The following ADAM7 variants were observed in gnomAD, a reference collection of about 807,000 sequenced individuals.
ADAM7 encodes ADAM metallopeptidase domain 7.
ADAM7 carries 97 observed loss-of-function variants against 102.9 expected under a neutral mutation model. That is an observed-to-expected ratio of 0.94 (90% confidence interval 0.80 to 1.12). The LOEUF (loss-of-function observed/expected upper bound fraction) is 1.12, where lower values mean the gene tolerates loss of function less well. Ranked by LOEUF, ADAM7 falls within the 50% of genes most tolerant of loss-of-function variation. The pLI, the probability that ADAM7 is intolerant of heterozygous loss-of-function variation, is 0.00. For synonymous variants in ADAM7, 334 were observed against 304.4 expected (o/e 1.10, Z -1.01); for missense variants, 991 against 908.7 (o/e 1.09, Z -1.16).
chr8:24,452,512 C>T (rs1340838540), intron 3 of ADAM7, among the ~76,000 whole-genome samples: 1 of 151,924 alleles, frequency 6.6e-6, no homozygotes, highest in Non-Finnish European at 1.5e-5. Context: ...GGTAGATCTT[C>T]CTCTATCCTT....
chr8:24,481,415 T>C (rs1242748399), intron 8 of ADAM7, among the ~76,000 whole-genome samples: 1 of 152,190 alleles, frequency 6.6e-6, no homozygotes, highest in African/African-American at 2.4e-5. Flanking sequence ...TGATAGTTTA[T>C]CATTCACTTC....
intron 7 of ADAM7, among the ~76,000 whole-genome samples, chr8:24,471,725 T>G (rs1302688609): frequency 1.3e-5 from 2 of 152,042 alleles, no homozygotes; most frequent in East Asian, 3.9e-4. Flanking sequence ...ATATTCCCAT[T>G]GTCAAGCAAT....
Position 24,501,494 on chromosome 8 carries a change from T to C in ADAM7, c.2126T>C (p.Leu709Pro). 6.2e-7 allele frequency: 1 copy of C among 1,608,074 alleles called. No homozygotes were observed. Among genetic ancestry groups the C allele is most frequent in the Non-Finnish European group, 8.5e-7 (1 of 1,177,844 alleles). Reference sequence around the variant, plus strand: ...CTTGACAGCCCACCTACAGAAACCCTGGGAGTGGAGAACAAAGGATACTTT... The same window carrying C: ...CTTGACAGCCCACCTACAGAAACCCCGGGAGTGGAGAACAAAGGATACTTT... ...KQVQSPPTETLGVENKGYFGD... is the reference protein window; with the variant it reads ...KQVQSPPTETPGVENKGYFGD... The change falls in exon 20 of 22, where the codon CTG becomes CCG. Residue 709 changes from leucine to proline, a missense_variant. Leu to Pro is a moderately conservative substitution (Grantham distance 98). Coordinates refer to ENST00000175238, the MANE Select transcript of ADAM7 (RefSeq NM_003817.4).
intron 13 of ADAM7, 90 bp from the exon 14 acceptor site, chr8:24,491,813 T>A (rs1820367822): frequency 8.9e-7 from 1 of 1,119,300 alleles, no homozygotes; most frequent in African/African-American, 1.6e-5. Context: ...AAAACCTTTT[T>A]TGGATGAATG....
Position 24,499,283 on chromosome 8 carries a change from A to T in ADAM7, c.1890A>T (p.Ser630=). 1 of 1,606,784 alleles carries T rather than the reference A, an allele frequency of 6.2e-7. No homozygotes were observed. The highest frequency in any genetic ancestry group is 8.5e-7 in the Non-Finnish European group (1 of 1,176,346). Residue 630 remains serine (S), a synonymous_variant, in exon 17 of 22, where the codon TCA becomes TCT. Transcript: ENST00000175238. ...TAAACATGGAAAAGGTCTATATCTC[A>T]ACCAATTGCCCCTCTCAGTGCAATG... ...ECLNMEKVYI[S]TNCPSQCNEN...
intron 3 of ADAM7, among the ~76,000 whole-genome samples, chr8:24,450,136 C>G (rs1234781654): frequency 1.3e-5 from 2 of 152,042 alleles, no homozygotes; most frequent in African/African-American, 2.4e-5. Context: ...GATGCGGGCT[C>G]TTTTTTGGTT....
intron 3 of ADAM7, among the ~76,000 whole-genome samples, chr8:24,453,454 G>A (rs1304786860): frequency 1.3e-5 from 2 of 152,060 alleles, no homozygotes; most frequent in African/African-American, 2.4e-5. Context: ...GGCTCCTGAG[G>A]CTTCTGCATT....
intron 6 of ADAM7, among the ~76,000 whole-genome samples, chr8:24,468,320 G>A (rs1750304861): frequency 6.6e-6 from 1 of 151,312 alleles, no homozygotes; most frequent in South Asian, 2.1e-4. Context: ...GTTAAAGTAT[G>A]TGTTTATGAT....
At chr8:24,484,610 G>C (rs1820069588) in intron 9 of ADAM7, among the ~76,000 whole-genome samples, 1 of 151,982 alleles carries the variant, frequency 6.6e-6, no homozygotes, top group South Asian at 2.1e-4. Flanking sequence ...CATTCATTGT[G>C]TTACTTTGTT....
At chr8:24,455,280 T>A (rs1818988898) in intron 3 of ADAM7, among the ~76,000 whole-genome samples, 2 of 152,200 alleles carry the variant, frequency 1.3e-5, no homozygotes, top group African/African-American at 4.8e-5. Context: ...ATCTTTCTCA[T>A]CTATCCATTC....
At chr8:24,453,324 A>G (rs1215859616) in intron 3 of ADAM7, among the ~76,000 whole-genome samples, 1 of 152,052 alleles carries the variant, frequency 6.6e-6, no homozygotes, top group East Asian at 1.9e-4. Flanking sequence ...ACATAGTCCC[A>G]TATTTCTTGG....
At chr8:24,482,073 G>A (rs1374223681) in intron 8 of ADAM7, 69 bp from the exon 9 acceptor site, 10 of 1,136,756 alleles carry the variant, frequency 8.8e-6, no homozygotes, top group African/African-American at 1.6e-5. Context: ...AAATGTAAAG[G>A]AATATAGTAA....
chr8:24,441,666 G>T (rs924606765), intron 1 of ADAM7, among the ~76,000 whole-genome samples: 1 of 152,126 alleles, frequency 6.6e-6, no homozygotes, highest in Non-Finnish European at 1.5e-5. Context: ...TGACTATCAA[G>T]GTGATAGGAC....
chr8:24,460,152 G>A (rs1819188391), intron 3 of ADAM7, among the ~76,000 whole-genome samples: 1 of 151,944 alleles, frequency 6.6e-6, no homozygotes, highest in Non-Finnish European at 1.5e-5. Flanking sequence ...TATTAACACA[G>A]CTATTCCAGC....
At chr8:24,466,292 A>G (rs1819422135) in intron 5 of ADAM7, among the ~76,000 whole-genome samples, 1 of 152,202 alleles carries the variant, frequency 6.6e-6, no homozygotes, top group South Asian at 2.1e-4. Context: ...ATGGACAAAG[A>G]AAGATGATGT....
intron 3 of ADAM7, among the ~76,000 whole-genome samples, chr8:24,460,657 T>A (rs1819206754): frequency 6.6e-6 from 1 of 151,980 alleles, no homozygotes; most frequent in Non-Finnish European, 1.5e-5. Flanking sequence ...GTAAAAACAT[T>A]GCAATAAGTT....
intron 10 of ADAM7, 62 bp from the exon 11 acceptor site, chr8:24,487,125 A>G: frequency 1.3e-6 from 2 of 1,515,290 alleles, no homozygotes; most frequent in Non-Finnish European, 1.8e-6. Context: ...ACTAGTTTGA[A>G]GCACTATGTA....
chr8:24,485,577 T>A (rs950128825), intron 10 of ADAM7, among the ~76,000 whole-genome samples: 3 of 152,006 alleles, frequency 2.0e-5, no homozygotes, highest in Non-Finnish European at 2.9e-5. Context: ...TTGTTTAGAG[T>A]TTAAACGGAT....
Position 24,500,190 on chromosome 8 carries a change from G to A in ADAM7, c.1936G>A (p.Gly646Arg), listed in dbSNP as rs761661622. Residue 646 changes from glycine (G) to arginine (R), a missense_variant, in exon 18 of 22, where the codon GGA (glycine) becomes AGA (arginine). Transcript: ENST00000175238. ...ACTGCTCTTCCAGGTGGATGGCCACGGACTCCAGTGCCACTGTGAGGAAGG... is the reference window on the plus strand; with the variant it reads ...ACTGCTCTTCCAGGTGGATGGCCACAGACTCCAGTGCCACTGTGAGGAAGG... ...QCNENPVDGH[G>R]LQCHCEEGQA... The A allele has an allele frequency of 2.5e-5, 41 of 1,610,246 alleles. No individual in the cohort carries two copies. The East Asian group carries it at 7.4e-4, about 29-fold the overall frequency.
Sources: gnomAD v4.1 joint callset for allele counts (sites outside exome capture counted in the v4.1 genomes callset) on GRCh38, gnomAD v4.1.1 for gene constraint, MANE v1.5 for transcripts, NCBI Gene and HGNC (gene_info 2026-07-23, HGNC 2026-07-21) for gene names.